The following AQP1 variants were observed in gnomAD, a reference collection of about 807,000 sequenced individuals.
AQP1 encodes aquaporin-1.
AQP1 carries 11 observed loss-of-function variants against 19.7 expected under a neutral mutation model. The ratio of observed to expected loss-of-function variants is 0.56; its 90% CI spans 0.35 to 0.92. AQP1 has a LOEUF of 0.92. Ranked by LOEUF, AQP1 falls within the 40% of genes least tolerant of loss-of-function variation. The probability of loss-of-function intolerance (pLI) is 0.01; values close to 1 mark genes in which losing one functional copy is unlikely to be tolerated. For missense variants in AQP1, 320 were observed against 369.7 expected, an observed-to-expected ratio of 0.87 and a Z score of 1.10; for synonymous variants, 159 against 166.7, an observed-to-expected ratio of 0.95 and a Z score of 0.36.
At position 30,923,478 on chromosome 7, in the gene AQP1, G is replaced by A. The variant is rs1198281617; in HGVS notation, c.659G>A (p.Gly220Glu). 2 of 1,613,882 alleles carry A rather than the reference G, an allele frequency of 1.2e-6. No individual in the cohort carries two copies. Among genetic ancestry groups the A allele is most frequent in the Non-Finnish European group, 1.7e-6 (2 of 1,179,964 alleles). The change falls in exon 4 of 4, where the codon GGA becomes GAA. Residue 220 changes from glycine to glutamate, a missense_variant. By Grantham distance (98) the Gly-to-Glu change is moderately conservative (BLOSUM62 -2). Coordinates refer to ENST00000311813, the MANE Select transcript of AQP1 (RefSeq NM_198098.4). The surrounding 1 kb of genome is among the most constrained non-coding windows in gnomAD (Gnocchi z 4.8). ...WIFWVGPFIG[G>E]ALAVLIYDFI... ...TTCTGGGTGGGGCCATTCATCGGGG[G>A]AGCCCTGGCTGTACTCATCTACGAC...
chr7:30,924,223 C>A lies in AQP1; in HGVS notation c.*594C>A. On this transcript the variant is annotated 3_prime_UTR_variant, in exon 4 of 4. Coordinates refer to ENST00000311813, the MANE Select transcript of AQP1 (RefSeq NM_198098.4). Reference sequence around the variant, plus strand: ...TCAGGGCCTGAGTGACCTCCTTCTGCAAAGTGGCAGGGACCGGCAGAGCTC... The same window carrying A: ...TCAGGGCCTGAGTGACCTCCTTCTGAAAAGTGGCAGGGACCGGCAGAGCTC... The A allele has an allele frequency of 2.5e-6, 2 of 785,306 alleles. No homozygotes were observed. Among genetic ancestry groups the A allele is most frequent in the Non-Finnish European group, 3.3e-6 (2 of 599,804 alleles). 48.6% of individuals were successfully genotyped at this position (785,306 alleles called of 1,614,324 possible).
In AQP1 at chr7:30,922,145, C is replaced by T; in HGVS notation, c.464C>T (p.Ala155Val). ...CTCCAGCTGGTGCTATGCGTGCTGG[C>T]TACTACCGACCGGAGGCGCCGTGAC... The part of the protein sequence containing the change: ...GTLQLVLCVL[A>V]TTDRRRRDLG... Residue 155 changes from alanine (A) to valine (V), a missense_variant, in exon 2 of 4, where the codon GCT (alanine) becomes GTT (valine). Ala to Val is a moderately conservative substitution (Grantham distance 64, BLOSUM62 0). Transcript: ENST00000311813. The T allele has an allele frequency of 6.2e-7, 1 of 1,613,936 alleles. No homozygotes were observed. The highest frequency in any genetic ancestry group is 2.2e-5 in the East Asian group (1 of 44,874).
chr7:30,921,605 G>A (rs1311863823), intron 1 of AQP1: 1 of 1,550,422 alleles, frequency 6.4e-7, no homozygotes. Flanking sequence ...GGCATGGGGT[G>A]GAATGTTCTG....
rs1791186954 is a variant in AQP1 at position 30,912,247 on chromosome 7, C to T, written c.338C>T (p.Ser113Leu). 4 of 1,607,410 alleles carry T rather than the reference C, an allele frequency of 2.5e-6. No homozygotes were observed. The highest frequency in any genetic ancestry group is 3.4e-6 in the Non-Finnish European group (4 of 1,179,888). Residue 113 changes from serine (S) to leucine (L), a missense_variant, in exon 1 of 4, where the codon TCA becomes TTA. By Grantham distance (145) the Ser-to-Leu change is moderately radical. Transcript: ENST00000311813. The surrounding 1 kb of genome is among the most constrained non-coding windows in gnomAD (Gnocchi z 4.3). ...GCCATCGTCGCCACCGCCATCCTCT[C>T]AGGCATCACCTCCTCCCTGACTGGG... is the stretch of plus-strand genomic sequence containing the variant. Reference protein sequence around the residue: ...VGAIVATAILSGITSSLTGNS... With the variant: ...VGAIVATAILLGITSSLTGNS...
intron 1 of AQP1, 162 bp from the exon 2 acceptor site, chr7:30,921,904 C>A: frequency 6.5e-7 from 1 of 1,528,452 alleles, no homozygotes; most frequent in Non-Finnish European, 8.8e-7. Context: ...TTTCCACTAC[C>A]TGCCGTGTAG....
chr7:30,914,200 G>A (rs946325838), intron 1 of AQP1, among the ~76,000 whole-genome samples: 4 of 152,340 alleles, frequency 2.6e-5, no homozygotes, highest in East Asian at 3.9e-4. Context: ...TGGGCTGGGC[G>A]TGTTGCAAAT....
Position 30,922,241 on chromosome 7 carries a change from G to A in AQP1, c.549+11G>A. The A allele has an allele frequency of 6.3e-7, 1 of 1,586,908 alleles. No homozygotes were observed. Among genetic ancestry groups the A allele is most frequent in the Non-Finnish European group, 8.5e-7 (1 of 1,171,920 alleles). On this transcript the variant is annotated intron_variant, in intron 2 of 3. Coordinates refer to ENST00000311813, the MANE Select transcript of AQP1 (RefSeq NM_198098.4). ...GGACACCTCCTGGCTGTGAGTCAGG[G>A]GCCCTCCCAGATGGAGGTGGGGGAA...
chr7:30,921,222 C>CG (rs1404590529), intron 1 of AQP1: 3 of 1,088,410 alleles, frequency 2.8e-6, no homozygotes, highest in Non-Finnish European at 3.4e-6. Flanking sequence ...AGGGGTCCTC[C>CG]GGGGGCAGCT....
At chr7:30,918,500 C>T (rs906610842) in intron 1 of AQP1, among the ~76,000 whole-genome samples, 1 of 152,202 alleles carries the variant, frequency 6.6e-6, no homozygotes, top group Non-Finnish European at 1.5e-5. Context: ...CACTCTGGAG[C>T]CCACATAGGT....
chr7:30,922,540 T>C lies in AQP1; in HGVS notation c.550-24T>C. The C allele has an allele frequency of 2.5e-6, 4 of 1,606,368 alleles. No homozygotes were observed. In the South Asian group the frequency reaches 4.4e-5, roughly 18 times the overall value. ...ACCTATGACTCTCTGCCTTCGCCCC[T>C]CCCTCTGTTTCTTTCCCTCACAGAT... is the stretch of plus-strand genomic sequence containing the variant. On this transcript the variant is annotated intron_variant, in intron 2 of 3. Coordinates refer to ENST00000311813, the MANE Select transcript of AQP1 (RefSeq NM_198098.4).
chr7:30,920,500 A>ACAAGAGT (rs1268064561), intron 1 of AQP1, among the ~76,000 whole-genome samples: 1 of 152,110 alleles, frequency 6.6e-6, no homozygotes, highest in African/African-American at 2.4e-5. Context: ...AAGAACCAAA[A>ACAAGAGT]CAAGAGTCAC....
Position 30,914,917 on chromosome 7 carries a change from G to A in AQP1, c.384+2624G>A, listed in dbSNP as rs182235250. Among the ~76,000 whole-genome samples the A allele has an allele frequency of 7.0e-4, 107 of 152,348 alleles. 2 individuals carry two copies. The highest frequency in any genetic ancestry group is 2.3e-3 in the African/African-American group (95 of 41,586). ...GAGACCGTGGGCCTCCGTCCAGCCT[G>A]CAAGGTCCCGGCTAGTTCTAAGAGC... On this transcript the variant is annotated intron_variant, in intron 1 of 3. Coordinates refer to ENST00000311813, the MANE Select transcript of AQP1 (RefSeq NM_198098.4).
At chr7:30,919,500 A>G (rs533057641) in intron 1 of AQP1, among the ~76,000 whole-genome samples, 1 of 151,858 alleles carries the variant, frequency 6.6e-6, no homozygotes, top group African/African-American at 2.4e-5. Flanking sequence ...CCAGGGCTGC[A>G]GACAAAAGCG....
At chr7:30,913,113 C>T (rs1791212277) in intron 1 of AQP1, among the ~76,000 whole-genome samples, 2 of 152,018 alleles carry the variant, frequency 1.3e-5, no homozygotes, top group African/African-American at 2.4e-5. Flanking sequence ...GAGTTTGCAA[C>T]ACGTGCCCAT....
rs1196413159 is a variant in AQP1, at chr7:30,912,759, A to G, written c.384+466A>G. On this transcript the variant is annotated intron_variant, in intron 1 of 3. Coordinates refer to ENST00000311813, the MANE Select transcript of AQP1 (RefSeq NM_198098.4). This position sits in a 1 kb window ranked among gnomAD's most constrained non-coding sequence, Gnocchi z 4.3. ...GCAAGTGTGTGAGCAGGACTCCCTCAGGGAGCCCCCCATATTCACACTAGT... is the reference window on the plus strand; with the variant it reads ...GCAAGTGTGTGAGCAGGACTCCCTCGGGGAGCCCCCCATATTCACACTAGT... 6.6e-6 allele frequency among the ~76,000 whole-genome samples: 1 copy of G among 152,168 alleles called. No homozygotes were observed. Among genetic ancestry groups the G allele is most frequent in the Non-Finnish European group, 1.5e-5 (1 of 68,030 alleles).
intron 1 of AQP1, among the ~76,000 whole-genome samples, chr7:30,919,251 C>T (rs1436024693): frequency 3.9e-5 from 6 of 152,142 alleles, no homozygotes; most frequent in Non-Finnish European, 5.9e-5. Context: ...CCACATAGGC[C>T]GCAGGAAGAT....
Position 30,912,296 on chromosome 7 carries a change from G to A in AQP1, c.384+3G>A, listed in dbSNP as rs1165422090. On this transcript the variant is annotated splice_donor_region_variant and intron_variant, in intron 1 of 3. Transcript: ENST00000311813. The surrounding 1 kb of genome is among the most constrained non-coding windows in gnomAD (Gnocchi z 4.3). ...GGAACTCGCTTGGCCGCAATGACGT[G>A]AGTGGGGTGTCCCTGGGCTTGGGGG... 1 of 1,599,354 alleles carries A rather than the reference G, an allele frequency of 6.3e-7. No individual in the cohort carries two copies. The highest frequency in any genetic ancestry group is 8.5e-7 in the Non-Finnish European group (1 of 1,178,640).
intron 1 of AQP1, among the ~76,000 whole-genome samples, chr7:30,915,020 C>T (rs1791276487): frequency 6.6e-6 from 1 of 152,212 alleles, no homozygotes; most frequent in African/African-American, 2.4e-5. Flanking sequence ...CCTAGCTCAG[C>T]CACTAACACC....
chr7:30,922,478 T>C, intron 2 of AQP1, 86 bp from the exon 3 acceptor site: 1 of 1,422,734 alleles, frequency 7.0e-7, no homozygotes, highest in Non-Finnish European at 9.9e-7. Context: ...TTGTTCTCTT[T>C]CTCCCTCCAA....
Sources: gnomAD v4.1 joint callset for allele counts (sites outside exome capture counted in the v4.1 genomes callset) on GRCh38, gnomAD v4.1.1 for gene constraint, Gnocchi (gnomAD v3.1) non-coding constraint, MANE v1.5 for transcripts, NCBI Gene and HGNC (gene_info 2026-07-23, HGNC 2026-07-21) for gene names.